PPFIBP1: variants seen among roughly 807,000 people sequenced by gnomAD.
PPFIBP1 encodes PPFIB scaffold protein 1, also known as liprin-beta-1.
A neutral mutation model predicts 137.8 loss-of-function variants in PPFIBP1; 112 were observed. The ratio of observed to expected loss-of-function variants is 0.81; its 90% confidence interval spans 0.70 to 0.95. The LOEUF (loss-of-function observed/expected upper bound fraction) is 0.95. PPFIBP1 is among the 40% of genes least tolerant of loss of function. PPFIBP1 has a pLI of 0.00. For missense variants in PPFIBP1, 1,083 were observed against 1,196.6 expected, an observed-to-expected ratio of 0.91 and a Z score of 1.40; for synonymous variants, 378 against 417.3, an observed-to-expected ratio of 0.91 and a Z score of 1.15.
intron 1 of PPFIBP1, chr12:27,538,260 C>T (rs1945270546): frequency 6.6e-6 from 1 of 152,232 alleles, no homozygotes; most frequent in South Asian, 2.1e-4. Flanking sequence ...CTGACAGTCT[C>T]AGTCAGAACT....
Position 27,682,621 on chromosome 12 carries a change from T to G in PPFIBP1, c.2165T>G (p.Leu722Trp). The change falls in exon 24 of 30, where the codon TTG becomes TGG. Residue 722 changes from leucine (L) to tryptophan (W), a missense_variant. Coordinates refer to ENST00000228425, the MANE Select transcript of PPFIBP1 (RefSeq NM_003622.4). ...ACTGGCCTCTCTCTTTTAGGATGGT[T>G]GGATGACATTGGCCTCCCTCAATAT... ...KLDFNWVTRW[L>W]DDIGLPQYKT... The G allele has an allele frequency of 6.2e-7, 1 of 1,614,180 alleles. No homozygotes were observed. The highest frequency in any genetic ancestry group is 8.5e-7 in the Non-Finnish European group (1 of 1,180,024).
intron 5 of PPFIBP1, 75 bp downstream of exon 5, chr12:27,646,223 G>C (rs1565930952): frequency 8.5e-7 from 1 of 1,169,650 alleles, no homozygotes; most frequent in East Asian, 2.6e-5. Context: ...GGCAAATTCA[G>C]ATTGCTTGCA....
At chr12:27,566,787 G>GAGAAGTTAA (rs2049718030) in intron 1 of PPFIBP1, among the ~76,000 whole-genome samples, 2 of 152,098 alleles carry the variant, frequency 1.3e-5, no homozygotes, top group South Asian at 4.1e-4. Context: ...AAGGCCACAC[G>GAGAAGTTAA]GTCAGCAAGT....
chr12:27,598,345 A>T (rs1294261165), intron 2 of PPFIBP1, among the ~76,000 whole-genome samples: 1 of 151,688 alleles, frequency 6.6e-6, no homozygotes, highest in Non-Finnish European at 1.5e-5. Context: ...GTGCAGGGGA[A>T]CTCCCCTTTA....
intron 2 of PPFIBP1, chr12:27,584,530 G>A (rs1200618208): frequency 6.6e-6 from 1 of 152,166 alleles, no homozygotes; most frequent in Admixed American, 6.5e-5. Context: ...AATTTTAGCA[G>A]GTGGGCCAAT....
chr12:27,672,399 T>A (rs369791533), intron 14 of PPFIBP1, 28 bp from the exon 15 acceptor site: 1 of 1,574,078 alleles, frequency 6.4e-7, no homozygotes, highest in African/African-American at 1.4e-5. Flanking sequence ...GTGAAGTTAA[T>A]AAATACCTTT....
chr12:27,577,213 C>CT lies in PPFIBP1; in HGVS notation c.-123-926dup, dbSNP rs34428994. On this transcript the variant is annotated intron_variant, in intron 1 of 29. Transcript: ENST00000228425. ...TGTTAAGCACCTGCCTTTTCTGAAG[C>CT]TTTTTTTTTTTTTAATAAAAAATGT... 8.3e-3 allele frequency among the ~76,000 whole-genome samples: 1,199 copies of CT among 143,690 alleles called. 3 individuals are homozygous for CT. Among genetic ancestry groups the CT allele is most frequent in the African/African-American group, 0.024 (924 of 39,094 alleles). 94.3% of individuals were successfully genotyped at this position (143,690 alleles called of 152,430 possible).
intron 1 of PPFIBP1, among the ~76,000 whole-genome samples, chr12:27,554,179 C>T (rs1488080877): frequency 6.6e-6 from 1 of 152,240 alleles, no homozygotes; most frequent in Non-Finnish European, 1.5e-5. Context: ...GGGGATAATG[C>T]ACAGCCTGGT....
chr12:27,532,184 A>G (rs1944491330), intron 1 of PPFIBP1, among the ~76,000 whole-genome samples: 1 of 152,256 alleles, frequency 6.6e-6, no homozygotes, highest in Non-Finnish European at 1.5e-5. Flanking sequence ...GGAGACGGAA[A>G]GACAAACAAA....
intron 1 of PPFIBP1, among the ~76,000 whole-genome samples, chr12:27,544,863 A>G (rs564596779): frequency 7.5e-4 from 114 of 152,312 alleles, no homozygotes; most frequent in African/African-American, 2.7e-3. Context: ...ATACCATTTG[A>G]CCCAGCAATC....
intron 1 of PPFIBP1, among the ~76,000 whole-genome samples, chr12:27,577,591 A>ATG (rs575242353): frequency 7.2e-5 from 11 of 152,306 alleles, no homozygotes; most frequent in Non-Finnish European, 1.5e-4. Flanking sequence ...GTGAGGATAT[A>ATG]TGTTCCTGTA....
In PPFIBP1 at chr12:27,532,537, T is replaced by A. The variant is rs1007804129; in HGVS notation, c.-124+8172T>A. ...ACAAAATATGTTAAAATTTTAAACATCTATTTATTGGTCCTTTTGGAGGTT... is the reference window on the plus strand; with the variant it reads ...ACAAAATATGTTAAAATTTTAAACAACTATTTATTGGTCCTTTTGGAGGTT... On this transcript the variant is annotated intron_variant, in intron 1 of 29. Transcript: ENST00000228425. Among the ~76,000 whole-genome samples the A allele has an allele frequency of 3.3e-5, 5 of 152,096 alleles. No individual in the cohort carries two copies. The East Asian group carries it at 9.7e-4, about 29-fold the overall frequency.
intron 1 of PPFIBP1, among the ~76,000 whole-genome samples, chr12:27,562,850 A>T (rs2049274710): frequency 6.6e-6 from 1 of 152,194 alleles, no homozygotes; most frequent in African/African-American, 2.4e-5. Context: ...AATTGAAATA[A>T]TTCATATAAA....
Position 27,581,786 on chromosome 12 carries a change from G to T in PPFIBP1, c.-36+3547G>T, listed in dbSNP as rs550055644. Among the ~76,000 whole-genome samples, 6 of 152,146 alleles carry T rather than the reference G, an allele frequency of 3.9e-5. No individual in the cohort carries two copies. The East Asian group carries it at 1.2e-3, about 29-fold the overall frequency. ...TGTTTGTTTTGTGCTTAATTGGTTC[G>T]TGATAACTGGACAATATATAAATGA... On this transcript the variant is annotated intron_variant, in intron 2 of 29. Coordinates refer to ENST00000228425, the MANE Select transcript of PPFIBP1 (RefSeq NM_003622.4).
At chr12:27,591,507 A>C (rs1416030493) in intron 2 of PPFIBP1, among the ~76,000 whole-genome samples, 1 of 152,164 alleles carries the variant, frequency 6.6e-6, no homozygotes, top group Non-Finnish European at 1.5e-5. Flanking sequence ...ACTTTTGGTA[A>C]ATACTGCTCT....
chr12:27,553,263 G>C (rs938845895), intron 1 of PPFIBP1, among the ~76,000 whole-genome samples: 4 of 152,052 alleles, frequency 2.6e-5, no homozygotes, highest in African/African-American at 9.7e-5. Context: ...CTCTCCCCAG[G>C]CCCTCAACAA....
At chr12:27,607,451 G>A (rs2054630514) in intron 2 of PPFIBP1, among the ~76,000 whole-genome samples, 1 of 152,222 alleles carries the variant, frequency 6.6e-6, no homozygotes. Flanking sequence ...TTAAGAAGCA[G>A]ATGTGAAAGA....
In PPFIBP1 at chr12:27,649,997, T is replaced by C. The variant is rs774322195; in HGVS notation, c.472-13T>C. On this transcript the variant is annotated splice_polypyrimidine_tract_variant and intron_variant, in intron 6 of 29. Coordinates refer to ENST00000228425, the MANE Select transcript of PPFIBP1 (RefSeq NM_003622.4). ...TAAAAGACTTCTTGAATGTATCTGTTAAATTATAATAGGAGCTTCTAAGTA... is the reference window on the plus strand; with the variant it reads ...TAAAAGACTTCTTGAATGTATCTGTCAAATTATAATAGGAGCTTCTAAGTA... 4 of 1,594,636 alleles carry C rather than the reference T, an allele frequency of 2.5e-6. No homozygotes were observed. The East Asian group carries it at 8.9e-5, about 36-fold the overall frequency.
Position 27,689,606 on chromosome 12 carries a change from G to GT in PPFIBP1, c.2685+409dup, listed in dbSNP as rs1279796752. 3.3e-5 allele frequency among the ~76,000 whole-genome samples: 5 copies of GT among 152,248 alleles called. No individual in the cohort carries two copies. In the East Asian group the frequency reaches 9.7e-4, roughly 29 times the overall value. ...CTGCATTGGGTTTTTATGATGTCCA[G>GT]TTTTTTCTTGAAGCTCTCACCACTG... On this transcript the variant is annotated intron_variant, in intron 27 of 29. Coordinates refer to ENST00000228425, the MANE Select transcript of PPFIBP1 (RefSeq NM_003622.4).
Sources: gnomAD v4.1 joint callset for allele counts (sites outside exome capture counted in the v4.1 genomes callset) on GRCh38, gnomAD v4.1.1 for gene constraint, MANE v1.5 for transcripts, NCBI Gene and HGNC (gene_info 2026-07-23, HGNC 2026-07-21) for gene names.